FLRT2: variants seen among roughly 807,000 people sequenced by gnomAD.
The protein encoded by FLRT2 is fibronectin leucine rich transmembrane protein 2.
In FLRT2, 15 loss-of-function variants were observed where a neutral mutation model predicts 40.0. The ratio of observed to expected loss-of-function variants is 0.38; its 90% CI spans 0.25 to 0.58. The LOEUF (loss-of-function observed/expected upper bound fraction) is 0.58. FLRT2 is among the 20% of genes least tolerant of loss of function. FLRT2 has a pLI of 0.71. For synonymous variants in FLRT2, 380 were observed against 336.8 expected, an observed-to-expected ratio of 1.13 and a Z score of -1.41; for missense variants, 726 against 840.0, an observed-to-expected ratio of 0.86 and a Z score of 1.68.
intron 1 of FLRT2, among the ~76,000 whole-genome samples, chr14:85,566,219 C>T (rs905862054): frequency 5.9e-5 from 9 of 152,084 alleles, no homozygotes; most frequent in Admixed American, 5.9e-4. Context: ...TGGTTAGAGA[C>T]CCACTATCAC....
intron 1 of FLRT2, among the ~76,000 whole-genome samples, chr14:85,535,368 A>T (rs370097319): frequency 1.8e-4 from 26 of 142,804 alleles, no homozygotes; most frequent in African/African-American, 6.0e-4. Context: ...AAAAAAAAAC[A>T]ACAACATTTT....
rs1566774489 is a variant in FLRT2, at chr14:85,643,339, CTTTCTTT to C, written c.*19843_*19849del. The C allele has an allele frequency of 4.3e-4, 47 of 110,252 alleles. No homozygotes were observed. The highest frequency in any genetic ancestry group is 1.2e-3 in the African/African-American group (33 of 27,430). The allele number at this position is 110,252 out of a possible 1,614,324, so 6.8% of individuals were successfully genotyped here. A position where few individuals can be genotyped will look rare whatever the true frequency, so the allele number is the denominator to read the frequency against. On this transcript the variant is annotated 3_prime_UTR_variant, in exon 2 of 2. Transcript: ENST00000330753. Reference sequence around the variant, plus strand: ...TCTTTCTTTCTTTCTTTCTTTCTTTCTTTCTTTCTTTCTTTCTTCCTTCCTTCCTTCC... The same window carrying C: ...TCTTTCTTTCTTTCTTTCTTTCTTTCCTTTCTTTCTTCCTTCCTTCCTTCC...
chr14:85,548,131 A>C (rs1889386490), intron 1 of FLRT2, among the ~76,000 whole-genome samples: 1 of 152,194 alleles, frequency 6.6e-6, no homozygotes, highest in Admixed American at 6.5e-5. Flanking sequence ...TGCTGAATAA[A>C]TGTTTGAGGC....
chr14:85,622,495 T>C lies in FLRT2; in HGVS notation c.981T>C (p.Tyr327=), dbSNP rs1778154102. ...AATGGGTCACAGAATGGCTCAAATA[T>C]ATCCCTTCATCTCTCAACGTGCGGG... The part of the protein sequence containing the change: ...SIKWVTEWLK[Y]IPSSLNVRGF... The change falls in exon 2 of 2, where the codon TAT becomes TAC. Residue 327 remains tyrosine (Y), a synonymous_variant. Coordinates refer to ENST00000330753, the MANE Select transcript of FLRT2 (RefSeq NM_013231.6). 2 of 1,614,102 alleles carry C rather than the reference T, an allele frequency of 1.2e-6. No homozygotes were observed. The highest frequency in any genetic ancestry group is 8.5e-7 in the Non-Finnish European group (1 of 1,180,020).
chr14:85,621,223 C>G lies in FLRT2; in HGVS notation c.-292C>G, dbSNP rs1013706450. 2.3e-5 allele frequency: 10 copies of G among 431,832 alleles called. No homozygotes were observed. Among genetic ancestry groups the G allele is most frequent in the Non-Finnish European group, 3.7e-5 (9 of 244,884 alleles). 26.8% of individuals were successfully genotyped at this position (431,832 alleles called of 1,614,324 possible). ...AAAGAAGAAGAGAGTTCTGCCTGCC[C>G]ACTTGGGCTTGTGTTGACACGGCTG... On this transcript the variant is annotated 5_prime_UTR_variant, in exon 2 of 2. Coordinates refer to ENST00000330753, the MANE Select transcript of FLRT2 (RefSeq NM_013231.6).
chr14:85,613,722 C>A lies in FLRT2; in HGVS notation c.-376-7417C>A, dbSNP rs557146891. Among the ~76,000 whole-genome samples, 3 of 152,270 alleles carry A rather than the reference C, an allele frequency of 2.0e-5. No homozygotes were observed. The South Asian group carries it at 6.2e-4, about 32-fold the overall frequency. ...GAAATAACGGTGAGCGAAAGCAGAC[C>A]AGCCTGTCTGCCTAGAGCTTACAGA... On this transcript the variant is annotated intron_variant, in intron 1 of 1. Coordinates refer to ENST00000330753, the MANE Select transcript of FLRT2 (RefSeq NM_013231.6).
chr14:85,583,290 T>C (rs1050065094), intron 1 of FLRT2, among the ~76,000 whole-genome samples: 5 of 152,178 alleles, frequency 3.3e-5, no homozygotes, highest in Non-Finnish European at 5.9e-5. Flanking sequence ...ATAAAGGTAA[T>C]GGAAAAGAAT....
At position 85,633,271 on chromosome 14, in the gene FLRT2, A is replaced by G. The variant is rs750249075; in HGVS notation, c.*9774A>G. 11 of 152,170 alleles carry G rather than the reference A, an allele frequency of 7.2e-5. No homozygotes were observed. Among genetic ancestry groups the G allele is most frequent in the Non-Finnish European group, 1.5e-4 (10 of 68,028 alleles). The allele number at this position is 152,170 out of a possible 1,614,324, so 9.4% of individuals were successfully genotyped here. On this transcript the variant is annotated 3_prime_UTR_variant, in exon 2 of 2. Transcript: ENST00000330753. The stretch of plus-strand genomic sequence containing the variant: ...AAAAAAATTGGGAAGATGAGGTGCC[A>G]TGGGATAACACACAACCATGGCAGG...
Position 85,599,245 on chromosome 14 carries a change from G to T in FLRT2, c.-376-21894G>T, listed in dbSNP as rs1156334192. ...TTTTTTTTTTTTTTTTTTTTTCAAG[G>T]TGACAAGTATTGCAAACAGCTTTTG... On this transcript the variant is annotated intron_variant, in intron 1 of 1. Transcript: ENST00000330753. 5.8e-5 allele frequency among the ~76,000 whole-genome samples: 8 copies of T among 139,124 alleles called. 1 individual carries two copies. The highest frequency in any genetic ancestry group is 3.0e-5 in the Non-Finnish European group (2 of 65,776). The allele number at this position is 139,124 out of a possible 152,430, so 91.3% of individuals were successfully genotyped here.
intron 1 of FLRT2, chr14:85,560,944 G>A (rs1331395194): frequency 6.6e-6 from 1 of 152,044 alleles, no homozygotes. Context: ...TAATTATAAC[G>A]ATAACCTTGT....
intron 1 of FLRT2, among the ~76,000 whole-genome samples, chr14:85,607,757 G>A (rs1008349970): frequency 1.4e-4 from 21 of 152,112 alleles, no homozygotes; most frequent in African/African-American, 4.8e-4. Flanking sequence ...CATTTTATGT[G>A]CTTTCTACTG....
intron 1 of FLRT2, among the ~76,000 whole-genome samples, chr14:85,566,985 A>T (rs893618273): frequency 6.6e-6 from 1 of 152,206 alleles, no homozygotes; most frequent in Admixed American, 6.5e-5. Context: ...TCCATGGGTC[A>T]CACAAAATTT....
rs1373830438 is a variant in FLRT2 at position 85,642,932 on chromosome 14, T to G, written c.*19435T>G. 6.6e-6 allele frequency: 1 copy of G among 152,188 alleles called. No homozygotes were observed. The highest frequency in any genetic ancestry group is 1.5e-5 in the Non-Finnish European group (1 of 68,046). 9.4% of individuals were successfully genotyped at this position (152,188 alleles called of 1,614,324 possible). A position where few individuals can be genotyped will look rare whatever the true frequency, so the allele number is the denominator to read the frequency against. ...ACTGAGTGGCTTAAACAATAAACAT[T>G]TATTACTTCCAATTCTTGAGGCTGT... is the stretch of plus-strand genomic sequence containing the variant. On this transcript the variant is annotated 3_prime_UTR_variant, in exon 2 of 2. Transcript: ENST00000330753.
chr14:85,588,157 T>C (rs1338479592), intron 1 of FLRT2, among the ~76,000 whole-genome samples: 2 of 152,188 alleles, frequency 1.3e-5, no homozygotes, highest in African/African-American at 4.8e-5. Flanking sequence ...CGAATCTTAT[T>C]TTCTTCATAC....
Position 85,632,587 on chromosome 14 carries a change from T to C in FLRT2, c.*9090T>C, listed in dbSNP as rs1056644665. On this transcript the variant is annotated 3_prime_UTR_variant, in exon 2 of 2. Coordinates refer to ENST00000330753, the MANE Select transcript of FLRT2 (RefSeq NM_013231.6). ...GGCTAGTCAAAATGAATTCTTTGCA[T>C]GTGAAAAGCAGAGATTTTTTTTTTT... 1 of 111,696 alleles carries C rather than the reference T, an allele frequency of 9.0e-6. No homozygotes were observed. The highest frequency in any genetic ancestry group is 1.8e-5 in the Non-Finnish European group (1 of 55,576). The allele number at this position is 111,696 out of a possible 1,614,324, so 6.9% of individuals were successfully genotyped here.
At chr14:85,573,517 A>C (rs1177772505) in intron 1 of FLRT2, among the ~76,000 whole-genome samples, 1 of 152,140 alleles carries the variant, frequency 6.6e-6, no homozygotes, top group East Asian at 1.9e-4. Flanking sequence ...ATGATTGGCC[A>C]GTTGCTTTGT....
Position 85,653,458 on chromosome 14 carries a change from C to T in FLRT2, c.*29961C>T, listed in dbSNP as rs10483981. The T allele has an allele frequency of 0.26, 40,103 of 152,058 alleles. 5,424 individuals carry two copies. Among genetic ancestry groups the T allele is most frequent in the Middle Eastern group, 0.3 (88 of 294 alleles). 9.4% of individuals were successfully genotyped at this position (152,058 alleles called of 1,614,324 possible). A position where few individuals can be genotyped will look rare whatever the true frequency, so the allele number is the denominator to read the frequency against. ...TAAAATAAACTTCCTAGCAAGTGAT[C>T]TCTAGCATCTCAATTTAACTGTATC... On this transcript the variant is annotated 3_prime_UTR_variant, in exon 2 of 2. Transcript: ENST00000330753.
At chr14:85,548,053 ACTTTTCC>A (rs1292206108) in intron 1 of FLRT2, among the ~76,000 whole-genome samples, 6 of 152,346 alleles carry the variant, frequency 3.9e-5, no homozygotes, top group African/African-American at 7.2e-5. Context: ...TCCTAGCTGG[ACTTTTCC>A]CTTTAGCTTA....
chr14:85,622,590 C>T lies in FLRT2; in HGVS notation c.1076C>T (p.Ser359Phe), dbSNP rs756777427. The T allele has an allele frequency of 1.9e-6, 3 of 1,613,364 alleles. No homozygotes were observed. The highest frequency in any genetic ancestry group is 2.5e-6 in the Non-Finnish European group (3 of 1,179,904). Reference sequence around the variant, plus strand: ...AGGGAATTAAATATGAATCTTTTGTCCTGTCCCACCACGACCCCCGGCCTG... The same window carrying T: ...AGGGAATTAAATATGAATCTTTTGTTCTGTCCCACCACGACCCCCGGCCTG... Reference protein sequence around the residue: ...AVRELNMNLLSCPTTTPGLPL... With the variant: ...AVRELNMNLLFCPTTTPGLPL... Residue 359 changes from serine to phenylalanine, a missense_variant, in exon 2 of 2, where the codon TCC (serine) becomes TTC (phenylalanine). This residue lies in a region of FLRT2 where 611 missense variants were observed against 690.0 expected (regional missense o/e 0.89). Transcript: ENST00000330753.
Sources: allele counts gnomAD v4.1 joint callset (sites outside exome capture counted in the v4.1 genomes callset), GRCh38; gene constraint gnomAD v4.1.1; regional missense constraint gnomAD v4.1.1; transcripts MANE v1.5; gene names NCBI Gene and HGNC (gene_info 2026-07-23, HGNC 2026-07-21).